ACBD5: variants seen among roughly 807,000 people sequenced by gnomAD.
The protein encoded by ACBD5 is acyl-CoA binding domain containing 5, also known as acyl-CoA-binding domain-containing protein 5.
A neutral mutation model predicts 71.8 loss-of-function variants in ACBD5; 40 were observed. The observed-to-expected ratio is 0.56, with a 90% CI of 0.43 to 0.72. The LOEUF is 0.72. Ranked by LOEUF, ACBD5 falls within the 30% of genes least tolerant of loss-of-function variation. ACBD5 has a pLI of 0.00. For missense variants in ACBD5, 559 were observed against 644.5 expected (o/e 0.87, Z 1.44); for synonymous variants, 229 against 218.6 (o/e 1.05, Z -0.42).
At chr10:27,228,467 C>T (rs540615159) in intron 4 of ACBD5, among the ~76,000 whole-genome samples, 20 of 151,848 alleles carry the variant, frequency 1.3e-4, no homozygotes, top group African/African-American at 4.6e-4. Flanking sequence ...ATCCCAGCTA[C>T]TCGGGAGGCT....
chr10:27,240,652 C>G lies in ACBD5; in HGVS notation c.15+22G>C. ...TGACTAAGGCCACGAATCCGGCCCG[C>G]GACGACAGCAAAACAACTCACCGAG... is the stretch of plus-strand genomic sequence containing the variant. On this transcript the variant is annotated intron_variant, in intron 1 of 12. Coordinates refer to ENST00000396271, the MANE Select transcript of ACBD5 (RefSeq NM_145698.5). The surrounding 1 kb of genome is among the most constrained non-coding windows in gnomAD (Gnocchi z 4.1). The G allele has an allele frequency of 6.4e-7, 1 of 1,551,112 alleles. No homozygotes were observed. Among genetic ancestry groups the G allele is most frequent in the Non-Finnish European group, 8.7e-7 (1 of 1,146,974 alleles).
chr10:27,228,811 A>ATTT (rs2063446901), intron 4 of ACBD5, among the ~76,000 whole-genome samples: 1 of 15,876 alleles, frequency 6.3e-5, no homozygotes, highest in African/African-American at 1.1e-4. Context: ...ATATATATAT[A>ATTT]TATATTTTTT....
chr10:27,217,875 A>G, intron 7 of ACBD5, 105 bp downstream of exon 7: 1 of 1,060,408 alleles, frequency 9.4e-7, no homozygotes, highest in Non-Finnish European at 1.4e-6. Flanking sequence ...CTAAGATATT[A>G]TTAAATAAGA....
downstream of ACBD5, among the ~76,000 whole-genome samples, chr10:27,192,038 A>T (rs1029845974): frequency 6.6e-6 from 1 of 152,208 alleles, no homozygotes; most frequent in African/African-American, 2.4e-5. Flanking sequence ...AAAGATTTTT[A>T]AAAATGAACT....
upstream of ACBD5, chr10:27,240,922 C>A (rs12571873): frequency 0.041 from 25,355 of 624,808 alleles, 1,714 homozygotes; most frequent in East Asian, 0.18. The surrounding 1 kb of genome is among the most constrained non-coding windows in gnomAD (Gnocchi z 4.1). Flanking sequence ...CAAGGACGCG[C>A]GCGGTCCGTC....
rs1377659826 is a variant in ACBD5 at position 27,197,257 on chromosome 10, A to G, written c.*173T>C. The G allele has an allele frequency of 1.4e-6, 1 of 703,602 alleles. No homozygotes were observed. Among genetic ancestry groups the G allele is most frequent in the East Asian group, 2.8e-5 (1 of 36,010 alleles). The allele number at this position is 703,602 out of a possible 1,614,324, so 43.6% of individuals were successfully genotyped here. A position where few individuals can be genotyped will look rare whatever the true frequency, so the allele number is the denominator to read the frequency against. On this transcript the variant is annotated 3_prime_UTR_variant, in exon 13 of 13. Coordinates refer to ENST00000396271, the MANE Select transcript of ACBD5 (RefSeq NM_145698.5). ...CAGCAATATTAGTCCTTAAAATGTT[A>G]TCGTTTGTGTAGTGCAAAATATATA...
At chr10:27,201,446 A>C (rs564749660) in intron 12 of ACBD5, among the ~76,000 whole-genome samples, 1 of 152,196 alleles carries the variant, frequency 6.6e-6, no homozygotes, top group South Asian at 2.1e-4. Context: ...TCTACGCTAG[A>C]AAAAAAACCA....
intron 10 of ACBD5, among the ~76,000 whole-genome samples, chr10:27,208,033 C>T (rs1329683294): frequency 6.6e-6 from 1 of 152,258 alleles, no homozygotes; most frequent in South Asian, 2.1e-4. Flanking sequence ...CGGCGCCCAG[C>T]CATTTTTCTA....
chr10:27,188,229 T>C (rs1777633432), intron 13 of ACBD5, among the ~76,000 whole-genome samples: 3 of 152,244 alleles, frequency 2.0e-5, no homozygotes, highest in South Asian at 4.1e-4. Context: ...TGGTCACTTC[T>C]AGTAAAATGT....
At chr10:27,202,492 G>A (rs1424893775) in intron 12 of ACBD5, among the ~76,000 whole-genome samples, 1 of 152,116 alleles carries the variant, frequency 6.6e-6, no homozygotes, top group Non-Finnish European at 1.5e-5. Context: ...GAGAAATAGT[G>A]AACAACCTTT....
intron 4 of ACBD5, among the ~76,000 whole-genome samples, chr10:27,224,247 C>A (rs932041849): frequency 1.9e-4 from 28 of 150,962 alleles, no homozygotes; most frequent in African/African-American, 6.8e-4. Flanking sequence ...CATGGCGGTG[C>A]ACGCCTGTAG....
chr10:27,226,670 G>C (rs2063076759), intron 4 of ACBD5, among the ~76,000 whole-genome samples: 1 of 146,424 alleles, frequency 6.8e-6, no homozygotes, highest in African/African-American at 2.5e-5. Flanking sequence ...TAATTTTTTT[G>C]CGACAGCGTC....
rs530375004 is a variant in ACBD5 at position 27,197,222 on chromosome 10, A to T, written c.*208T>A. The T allele has an allele frequency of 1.5e-6, 1 of 659,770 alleles. No homozygotes were observed. The highest frequency in any genetic ancestry group is 1.6e-5 in the South Asian group (1 of 61,620). The allele number at this position is 659,770 out of a possible 1,614,324, so 40.9% of individuals were successfully genotyped here. A position where few individuals can be genotyped will look rare whatever the true frequency, so the allele number is the denominator to read the frequency against. Reference sequence around the variant, plus strand: ...ACTTATAACCTAGTAGAGATTGATTATTCAAGTATCAGCAATATTAGTCCT... The same window carrying T: ...ACTTATAACCTAGTAGAGATTGATTTTTCAAGTATCAGCAATATTAGTCCT... On this transcript the variant is annotated 3_prime_UTR_variant, in exon 13 of 13. Transcript: ENST00000396271.
intron 10 of ACBD5, among the ~76,000 whole-genome samples, chr10:27,207,522 C>T (rs1041245012): frequency 6.6e-6 from 1 of 152,110 alleles, no homozygotes; most frequent in South Asian, 2.1e-4. Context: ...TTCTTAACAT[C>T]TGTTACAGCA....
At chr10:27,209,408 C>T (rs975089139) in intron 9 of ACBD5, among the ~76,000 whole-genome samples, 7 of 152,118 alleles carry the variant, frequency 4.6e-5, no homozygotes, top group Admixed American at 2.6e-4. Flanking sequence ...CTGCAACCTC[C>T]GCCTCCCAGG....
rs571511049 is a variant in ACBD5 at position 27,233,256 on chromosome 10, G to A, written c.303-1436C>T. ...AGCCTGGCCAACATGGTGAAATTCT[G>A]TCTTTACTAAAGACATAAAAATTAG... On this transcript the variant is annotated intron_variant, in intron 3 of 12. Coordinates refer to ENST00000396271, the MANE Select transcript of ACBD5 (RefSeq NM_145698.5). 1.6e-4 allele frequency among the ~76,000 whole-genome samples: 24 copies of A among 152,166 alleles called. No homozygotes were observed. The East Asian group carries it at 4.1e-3, about 26-fold the overall frequency.
At position 27,240,533 on chromosome 10, in the gene ACBD5, G is replaced by T. The variant is rs1320480086; in HGVS notation, c.16-49C>A. 1 of 1,557,174 alleles carries T rather than the reference G, an allele frequency of 6.4e-7. No homozygotes were observed. Among genetic ancestry groups the T allele is most frequent in the African/African-American group, 1.4e-5 (1 of 73,370 alleles). ...GATCAACATGCCCCAAAAGGAGGAG[G>T]CCCGGGAGCGAAGCGGGTCAGTTCC... On this transcript the variant is annotated intron_variant, in intron 1 of 12. Transcript: ENST00000396271. This position sits in a 1 kb window ranked among gnomAD's most constrained non-coding sequence, Gnocchi z 4.1.
intron 2 of ACBD5, among the ~76,000 whole-genome samples, chr10:27,235,884 G>A (rs2064609699): frequency 6.6e-6 from 1 of 152,186 alleles, no homozygotes; most frequent in Middle Eastern, 3.4e-3. Flanking sequence ...AGGCTGAGGT[G>A]GGTGGATCAC....
At chr10:27,217,760 T>A (rs1439610057) in intron 7 of ACBD5, among the ~76,000 whole-genome samples, 1 of 152,086 alleles carries the variant, frequency 6.6e-6, no homozygotes, top group Non-Finnish European at 1.5e-5. Context: ...GAGCCATGAC[T>A]ATGCCACTGC....
Sources: gnomAD v4.1 joint callset for allele counts (sites outside exome capture counted in the v4.1 genomes callset) on GRCh38, gnomAD v4.1.1 for gene constraint, Gnocchi (gnomAD v3.1) non-coding constraint, MANE v1.5 for transcripts, NCBI Gene and HGNC (gene_info 2026-07-23, HGNC 2026-07-21) for gene names.